Variants in POLDIP3 observed in about 807,000 individuals in gnomAD.
POLDIP3 encodes the protein polymerase delta-interacting protein 3.
A neutral mutation model predicts 45.1 loss-of-function variants in POLDIP3; 14 were observed. That is an observed-to-expected ratio of 0.31 (90% CI 0.20 to 0.49). The LOEUF is 0.49. Among genes scored for constraint, POLDIP3 ranks in the 20% least tolerant of loss-of-function variants. POLDIP3 has a pLI of 0.99. For missense variants in POLDIP3, 511 were observed against 538.8 expected (o/e 0.95, Z 0.51); for synonymous variants, 223 against 205.2 (o/e 1.09, Z -0.74).
chr22:42,598,069 C>T (rs1275617938), intron 4 of POLDIP3, among the ~76,000 whole-genome samples: 2 of 151,382 alleles, frequency 1.3e-5, no homozygotes, highest in Non-Finnish European at 2.9e-5. Flanking sequence ...TGAGCCACCA[C>T]GCCGAGCCAG....
At chr22:42,613,953 C>T (rs1927290400) in intron 1 of POLDIP3, among the ~76,000 whole-genome samples, 2 of 152,156 alleles carry the variant, frequency 1.3e-5, no homozygotes, top group East Asian at 3.8e-4. Context: ...TGACTAACAA[C>T]ATTTAAGGGT....
intron 1 of POLDIP3, among the ~76,000 whole-genome samples, chr22:42,613,291 A>G (rs930627246): frequency 3.3e-5 from 5 of 152,204 alleles, no homozygotes; most frequent in African/African-American, 1.2e-4. Context: ...TGAGGAAACA[A>G]ATACTAATGT....
At chr22:42,612,545 CT>C (rs2146841129) in intron 1 of POLDIP3, among the ~76,000 whole-genome samples, 1 of 152,328 alleles carries the variant, frequency 6.6e-6, no homozygotes, top group Admixed American at 6.5e-5. Context: ...AACATACCTT[CT>C]GGCCCGGCGC....
At chr22:42,612,234 T>C (rs529372541) in intron 1 of POLDIP3, among the ~76,000 whole-genome samples, 1 of 152,372 alleles carries the variant, frequency 6.6e-6, no homozygotes, top group East Asian at 1.9e-4. Context: ...AAGTACCCGT[T>C]GTCAGGAACT....
chr22:42,599,584 G>A (rs935242238), intron 4 of POLDIP3, 114 bp downstream of exon 4: 11 of 782,118 alleles, frequency 1.4e-5, no homozygotes, highest in Non-Finnish European at 2.3e-5. Context: ...AGCAGCCTGG[G>A]GGAGAAGAGC....
At chr22:42,595,704 C>T in intron 5 of POLDIP3, 90 bp from the exon 6 acceptor site, 1 of 1,198,814 alleles carries the variant, frequency 8.3e-7, no homozygotes, top group Non-Finnish European at 1.2e-6. Context: ...ACTAGGAAGG[C>T]CCAGAGGAAA....
Position 42,614,827 on chromosome 22 carries a change from T to A in POLDIP3, c.31A>T (p.Arg11Trp). 6.2e-7 allele frequency: 1 copy of A among 1,614,038 alleles called. No homozygotes were observed. Among genetic ancestry groups the A allele is most frequent in the Non-Finnish European group, 8.5e-7 (1 of 1,179,938 alleles). The change falls in exon 1 of 9, where the codon AGG (arginine) becomes TGG (tryptophan). Residue 11 changes from arginine to tryptophan, a missense_variant. By Grantham distance (101) the Arg-to-Trp change is moderately radical. This residue lies in a region of POLDIP3 where 378 missense variants were observed against 352.3 expected (regional missense o/e 1.07). Coordinates refer to ENST00000252115, the MANE Select transcript of POLDIP3 (RefSeq NM_032311.5). MADISLDELIRKRGAAAKGRL... is the reference protein window; with the variant it reads MADISLDELIWKRGAAAKGRL... ...CCTTTCGCCGCCGCCCCGCGCTTCC[T>A]GATGAGTTCGTCCAGGGAGATGTCC...
rs1190512630 is a variant in POLDIP3 at position 42,584,901 on chromosome 22, C to T, written c.*890G>A. On this transcript the variant is annotated 3_prime_UTR_variant, in exon 9 of 9. Coordinates refer to ENST00000252115, the MANE Select transcript of POLDIP3 (RefSeq NM_032311.5). ...CTCTTCCATTCAAATAAGCTCCAAA[C>T]CCAAGCACTGCACAATGGGAGGCTG... The T allele has an allele frequency of 1.4e-4, 66 of 456,118 alleles. No homozygotes were observed. Among genetic ancestry groups the T allele is most frequent in the South Asian group, 9.8e-4 (63 of 64,578 alleles). 28.3% of individuals were successfully genotyped at this position (456,118 alleles called of 1,614,324 possible).
chr22:42,597,380 G>C (rs991779731), intron 4 of POLDIP3, among the ~76,000 whole-genome samples: 4 of 152,170 alleles, frequency 2.6e-5, no homozygotes, highest in Non-Finnish European at 5.9e-5. Context: ...GTGAAGCAGC[G>C]TCATCCCCAT....
In POLDIP3 at chr22:42,614,700, C is replaced by T. The variant is rs1327083084; in HGVS notation, c.59+99G>A. The T allele has an allele frequency of 2.9e-6, 4 of 1,358,440 alleles. No homozygotes were observed. The East Asian group carries it at 7.2e-5, about 25-fold the overall frequency. The allele number at this position is 1,358,440 out of a possible 1,614,324, so 84.1% of individuals were successfully genotyped here. On this transcript the variant is annotated intron_variant, in intron 1 of 8. Coordinates refer to ENST00000252115, the MANE Select transcript of POLDIP3 (RefSeq NM_032311.5). ...GCGCGGCTGTGGTCGGGGGCGGGCGCACCCGGTCCTCCGCGTCGCTCCCGG... is the reference window on the plus strand; with the variant it reads ...GCGCGGCTGTGGTCGGGGGCGGGCGTACCCGGTCCTCCGCGTCGCTCCCGG...
chr22:42,613,753 C>T (rs137112), intron 1 of POLDIP3, among the ~76,000 whole-genome samples: 76,988 of 151,918 alleles, frequency 0.51, 23,718 homozygotes, highest in African/African-American at 0.86. Flanking sequence ...AGAGCAACAC[C>T]CCGTCTCAAA....
chr22:42,612,263 A>G (rs911648673), intron 1 of POLDIP3, among the ~76,000 whole-genome samples: 2 of 152,242 alleles, frequency 1.3e-5, no homozygotes, highest in Non-Finnish European at 2.9e-5. Context: ...CACTTCAGGT[A>G]TATTAATTCA....
chr22:42,611,993 T>A (rs1343550296), intron 1 of POLDIP3, among the ~76,000 whole-genome samples: 1 of 152,258 alleles, frequency 6.6e-6, no homozygotes, highest in Admixed American at 6.5e-5. Flanking sequence ...CTAGTTTTTC[T>A]TTGTTGGCTG....
intron 1 of POLDIP3, among the ~76,000 whole-genome samples, chr22:42,613,829 A>G (rs1374038965): frequency 6.6e-6 from 1 of 152,190 alleles, no homozygotes; most frequent in Non-Finnish European, 1.5e-5. Context: ...AATATCTAAC[A>G]TATTTACATC....
chr22:42,614,430 G>A (rs1483504806), intron 1 of POLDIP3, among the ~76,000 whole-genome samples: 2 of 152,218 alleles, frequency 1.3e-5, no homozygotes, highest in East Asian at 1.9e-4. Flanking sequence ...GTGGAGACCA[G>A]GCAGCGCCGA....
rs1321347111 is a variant in POLDIP3 at position 42,585,346 on chromosome 22, C to T, written c.*445G>A. 1 of 452,474 alleles carries T rather than the reference C, an allele frequency of 2.2e-6. No homozygotes were observed. Among genetic ancestry groups the T allele is most frequent in the Non-Finnish European group, 4.4e-6 (1 of 227,116 alleles). The allele number at this position is 452,474 out of a possible 1,614,324, so 28.0% of individuals were successfully genotyped here. ...CTCCCGTCAGGACACCAGGGCTCTCCATCCCCTCCATTGTTTGAAAAGCTT... is the reference window on the plus strand; with the variant it reads ...CTCCCGTCAGGACACCAGGGCTCTCTATCCCCTCCATTGTTTGAAAAGCTT... On this transcript the variant is annotated 3_prime_UTR_variant, in exon 9 of 9. Transcript: ENST00000252115.
At chr22:42,591,055 CAGAG>C (rs1229736055) in intron 7 of POLDIP3, among the ~76,000 whole-genome samples, 1 of 138,532 alleles carries the variant, frequency 7.2e-6, no homozygotes, top group Non-Finnish European at 1.6e-5. Context: ...GCCTGGGCAA[CAGAG>C]AGAAACTCAA....
chr22:42,613,697 G>A (rs1281047302), intron 1 of POLDIP3, among the ~76,000 whole-genome samples: 1 of 152,102 alleles, frequency 6.6e-6, no homozygotes, highest in African/African-American at 2.4e-5. Context: ...GGAGGCGGAG[G>A]TTGCAGTGAG....
intron 1 of POLDIP3, among the ~76,000 whole-genome samples, chr22:42,613,994 A>G (rs1435917225): frequency 6.6e-6 from 1 of 152,134 alleles, no homozygotes; most frequent in Admixed American, 6.6e-5. Context: ...ATGACTGCAA[A>G]TCACCTCCAT....
Sources: allele counts gnomAD v4.1 joint callset (sites outside exome capture counted in the v4.1 genomes callset), GRCh38; gene constraint gnomAD v4.1.1; regional missense constraint gnomAD v4.1.1; transcripts MANE v1.5; gene names NCBI Gene and HGNC (gene_info 2026-07-23, HGNC 2026-07-21).